CCDC134: variants seen among roughly 807,000 people sequenced by gnomAD.
CCDC134 encodes the protein coiled-coil domain-containing protein 134.
CCDC134 carries 27 observed loss-of-function variants against 25.6 expected under a neutral mutation model. The observed-to-expected ratio is 1.05, with a 90% CI of 0.78 to 1.45. The LOEUF is 1.45. CCDC134 is among the 40% of genes most tolerant of loss of function. The probability of loss-of-function intolerance (pLI) is 0.00; values close to 1 mark genes in which losing one functional copy is unlikely to be tolerated. For missense variants in CCDC134, 261 were observed against 286.7 expected (o/e 0.91, Z 0.65); for synonymous variants, 110 against 115.0 (o/e 0.96, Z 0.28).
chr22:41,811,019 G>C (rs577550852), intron 4 of CCDC134, among the ~76,000 whole-genome samples: 2 of 152,190 alleles, frequency 1.3e-5, no homozygotes, highest in East Asian at 3.9e-4. Context: ...CTGAAGCCCC[G>C]GGGTCCCTGC....
rs981155608 is a variant in CCDC134, at chr22:41,827,357, G to A, written c.*1534G>A. 6.6e-6 allele frequency among the ~76,000 whole-genome samples: 1 copy of A among 152,192 alleles called. No homozygotes were observed. Among genetic ancestry groups the A allele is most frequent in the Non-Finnish European group, 1.5e-5 (1 of 68,038 alleles). On this transcript the variant is annotated 3_prime_UTR_variant, in exon 7 of 7. Transcript: ENST00000255784. The stretch of plus-strand genomic sequence containing the variant: ...CTCCACCCTGCCCTTCTCAGGTTGT[G>A]TGACCCCAGCCACATGGACACCCGA...
chr22:41,801,218 C>G (rs924935058), intron 1 of CCDC134, among the ~76,000 whole-genome samples: 8 of 152,128 alleles, frequency 5.3e-5, no homozygotes, highest in Non-Finnish European at 8.8e-5. Context: ...GGTTCTGGTT[C>G]CCTTGAGTTT....
At position 41,830,363 on chromosome 22, in the gene CCDC134, G is replaced by C. The variant is rs550649406; in HGVS notation, c.*4540G>C. Among the ~76,000 whole-genome samples, 2 of 152,368 alleles carry C rather than the reference G, an allele frequency of 1.3e-5. No individual in the cohort carries two copies. The highest frequency in any genetic ancestry group is 3.9e-4 in the East Asian group (2 of 5,186). ...GGCTCAGTGGGGAACTATGGGAGCA[G>C]GTGCTGTGTGCCACCTCTGGAGGGG... On this transcript the variant is annotated 3_prime_UTR_variant, in exon 7 of 7. Transcript: ENST00000255784.
At chr22:41,812,940 G>A (rs1262684667) in intron 4 of CCDC134, among the ~76,000 whole-genome samples, 1 of 152,200 alleles carries the variant, frequency 6.6e-6, no homozygotes, top group African/African-American at 2.4e-5. Flanking sequence ...CTTCTAAGCA[G>A]CAAGATGTGC....
chr22:41,803,835 A>G (rs1322384988), intron 1 of CCDC134, among the ~76,000 whole-genome samples: 1 of 152,142 alleles, frequency 6.6e-6, no homozygotes, highest in East Asian at 1.9e-4. Flanking sequence ...CTCAGTTTGC[A>G]TAATAGTTCT....
intron 2 of CCDC134, 124 bp downstream of exon 2, chr22:41,809,117 T>C (rs950646446): frequency 6.8e-6 from 5 of 730,708 alleles, no homozygotes; most frequent in Non-Finnish European, 9.0e-6. Context: ...GGTGAGGTGC[T>C]CTAGCCAGAC....
At chr22:41,817,557 C>T (rs1212739389) in intron 6 of CCDC134, among the ~76,000 whole-genome samples, 3 of 151,948 alleles carry the variant, frequency 2.0e-5, no homozygotes, top group Non-Finnish European at 4.4e-5. Flanking sequence ...CATGGTGAAA[C>T]CCTGTCTCTA....
chr22:41,819,963 TTATATATATATATATATA>T (rs34213936), intron 6 of CCDC134, among the ~76,000 whole-genome samples: 3,332 of 82,628 alleles, frequency 0.04, 133 homozygotes, highest in Admixed American at 0.12. Context: ...ACTTACCACT[TTATATATATATATATATA>T]TATATATATA....
intron 6 of CCDC134, among the ~76,000 whole-genome samples, chr22:41,817,242 T>C (rs1184421916): frequency 6.6e-6 from 1 of 152,098 alleles, no homozygotes; most frequent in African/African-American, 2.4e-5. Flanking sequence ...TGGTAGTGGG[T>C]ATGTTACCAT....
At chr22:41,810,974 C>A (rs559210868) in intron 4 of CCDC134, among the ~76,000 whole-genome samples, 1 of 152,306 alleles carries the variant, frequency 6.6e-6, no homozygotes, top group African/African-American at 2.4e-5. Flanking sequence ...CTGAATCAGG[C>A]TGACTTCCTG....
chr22:41,810,335 C>G, intron 4 of CCDC134, 44 bp downstream of exon 4: 1 of 1,525,710 alleles, frequency 6.6e-7, no homozygotes, highest in Non-Finnish European at 9.0e-7. Context: ...ACCACCCGAT[C>G]TTCTCTAGCT....
intron 6 of CCDC134, among the ~76,000 whole-genome samples, chr22:41,819,621 GGTA>G (rs1006617968): frequency 6.6e-6 from 1 of 152,084 alleles, no homozygotes; most frequent in African/African-American, 2.4e-5. Context: ...TATATAATGT[GGTA>G]GGTGGTGACA....
intron 6 of CCDC134, among the ~76,000 whole-genome samples, chr22:41,820,589 G>A (rs977606445): frequency 3.3e-5 from 5 of 152,224 alleles, no homozygotes; most frequent in African/African-American, 9.6e-5. Context: ...CAGTGGAGCT[G>A]CTGAGAAATG....
intron 6 of CCDC134, among the ~76,000 whole-genome samples, chr22:41,824,356 G>A (rs1238401452): frequency 2.6e-5 from 4 of 152,198 alleles, no homozygotes; most frequent in African/African-American, 9.7e-5. Context: ...GGATATGAGG[G>A]TAGGAACAGA....
intron 1 of CCDC134, among the ~76,000 whole-genome samples, chr22:41,803,660 C>T (rs1402476282): frequency 6.6e-6 from 1 of 151,082 alleles, no homozygotes; most frequent in East Asian, 1.9e-4. Flanking sequence ...CCCAGCTACT[C>T]GGGAGGCTGA....
intron 4 of CCDC134, among the ~76,000 whole-genome samples, chr22:41,811,846 G>T (rs545889299): frequency 6.6e-6 from 1 of 152,142 alleles, no homozygotes; most frequent in Non-Finnish European, 1.5e-5. Flanking sequence ...TTTTTGAGGG[G>T]TTATCTATGC....
At chr22:41,811,566 T>G in intron 4 of CCDC134, among the ~76,000 whole-genome samples, 1 of 152,126 alleles carries the variant, frequency 6.6e-6, no homozygotes, top group East Asian at 1.9e-4. Context: ...GTAGCTGGAA[T>G]TAGAGACATG....
At chr22:41,801,923 T>C (rs748346118) in intron 1 of CCDC134, among the ~76,000 whole-genome samples, 4 of 152,130 alleles carry the variant, frequency 2.6e-5, no homozygotes, top group Non-Finnish European at 5.9e-5. Flanking sequence ...AAATGAGGAT[T>C]ACATGATTAT....
chr22:41,821,355 A>G (rs1387500889), intron 6 of CCDC134, among the ~76,000 whole-genome samples: 1 of 151,486 alleles, frequency 6.6e-6, no homozygotes, highest in Non-Finnish European at 1.5e-5. Context: ...GTTTTAGGGT[A>G]CATGTGCACA....
Sources: gnomAD v4.1 joint callset for allele counts (sites outside exome capture counted in the v4.1 genomes callset) on GRCh38, gnomAD v4.1.1 for gene constraint, MANE v1.5 for transcripts, NCBI Gene and HGNC (gene_info 2026-07-23, HGNC 2026-07-21) for gene names.